The following ZNF814 variants were observed in gnomAD, a reference collection of about 807,000 sequenced individuals.
ZNF814 encodes the protein zinc finger protein 814.
In ZNF814, 5 loss-of-function variants were observed where a neutral mutation model predicts 7.5. That is an observed-to-expected ratio of 0.67 (90% CI 0.35 to 1.40). ZNF814 has a LOEUF of 1.40. ZNF814 is among the 40% of genes most tolerant of loss of function. ZNF814 has a pLI of 0.04. For missense variants in ZNF814, 962 were observed against 1,018.0 expected (o/e 0.94, Z 0.75); for synonymous variants, 315 against 340.7 (o/e 0.92, Z 0.83).
upstream of ZNF814, among the ~76,000 whole-genome samples, chr19:57,891,439 G>T (rs565099531): frequency 1.3e-5 from 2 of 151,664 alleles, no homozygotes; most frequent in Non-Finnish European, 2.9e-5. Context: ...GTAGGGGAAC[G>T]GCGTGAACCC....
upstream of ZNF814, among the ~76,000 whole-genome samples, chr19:57,890,331 G>A (rs556213030): frequency 5.9e-5 from 9 of 152,130 alleles, no homozygotes; most frequent in Non-Finnish European, 8.8e-5. Context: ...TTGCGAGACT[G>A]GGGTTTTTTG....
chr19:57,904,000 G>A, the ZNF814 span, among the ~76,000 whole-genome samples: 12 of 152,170 alleles, frequency 7.9e-5, no homozygotes, highest in African/African-American at 2.9e-4. Context: ...CTGCCCTGCC[G>A]CAGTACAATC....
chr19:57,888,575 G>A (rs1469199449), intron 1 of ZNF814, among the ~76,000 whole-genome samples, 192 bp downstream of exon 1: 1 of 152,086 alleles, frequency 6.6e-6, no homozygotes, highest in Non-Finnish European at 1.5e-5. Flanking sequence ...CCAGGCCTTT[G>A]CCCGCGCCAG....
At chr19:57,877,589 T>C (rs762757722) in intron 1 of ZNF814, among the ~76,000 whole-genome samples, 27 of 152,108 alleles carry the variant, frequency 1.8e-4, no homozygotes, top group Non-Finnish European at 3.2e-4. Context: ...ATTACAGGCA[T>C]GTACCACCAC....
chr19:57,887,113 G>A (rs183816940), intron 1 of ZNF814, among the ~76,000 whole-genome samples: 53 of 152,036 alleles, frequency 3.5e-4, no homozygotes, highest in Middle Eastern at 3.4e-3. Context: ...GCTTGAACCC[G>A]GGAGGCAGAG....
At chr19:57,877,063 G>T (rs1433702877) in intron 1 of ZNF814, 21 bp from the exon 2 acceptor site, 5 of 1,613,118 alleles carry the variant, frequency 3.1e-6, no homozygotes, top group Non-Finnish European at 4.2e-6. Flanking sequence ...GTTGACAGAT[G>T]AAACTACAAA....
At chr19:57,883,927 TTG>T (rs1343350264) in intron 1 of ZNF814, among the ~76,000 whole-genome samples, 2 of 152,046 alleles carry the variant, frequency 1.3e-5, no homozygotes, top group African/African-American at 4.8e-5. Context: ...CAGCTAATTT[TTG>T]TATTTTTAGT....
Position 57,877,029 on chromosome 19 carries a change from A to G in ZNF814, c.50T>C (p.Phe17Ser). 6.2e-7 allele frequency: 1 copy of G among 1,614,108 alleles called. No individual in the cohort carries two copies. Among genetic ancestry groups the G allele is most frequent in the South Asian group, 1.1e-5 (1 of 91,076 alleles). ...GGTAAAGTTCACAGCCACATCTTCA[A>G]AAGTCACTGTGCCCTGTTATGATGT... ...LRLSAQGTVT[F>S]EDVAVNFTWE... Residue 17 changes from phenylalanine (F) to serine (S), a missense_variant, in exon 2 of 3, where the codon TTT becomes TCT. Physicochemically the swap from Phe to Ser is radical, Grantham distance 155. Around this residue, in one of 7 missense-constraint regions of ZNF814, gnomAD observed 63 missense variants for 65.0 expected, o/e 0.97. Coordinates refer to ENST00000435989, the MANE Select transcript of ZNF814 (RefSeq NM_001144989.2).
the ZNF814 span, among the ~76,000 whole-genome samples, chr19:57,901,280 T>C: frequency 6.6e-6 from 1 of 152,182 alleles, no homozygotes; most frequent in Non-Finnish European, 1.5e-5. Flanking sequence ...ACCAGGTATA[T>C]AAAACCCTAC....
chr19:57,879,125 G>A (rs997117335), intron 1 of ZNF814, among the ~76,000 whole-genome samples: 4 of 147,414 alleles, frequency 2.7e-5, no homozygotes, highest in East Asian at 2.0e-4. Context: ...CATTCAAACC[G>A]ATCCAATATT....
In ZNF814 at chr19:57,873,211, T is replaced by G; in HGVS notation, c.2179A>C (p.Asn727His). Residue 727 changes from asparagine (N) to histidine (H), a missense_variant, in exon 3 of 3, where the codon AAC becomes CAC. Asn to His is a moderately conservative substitution (Grantham distance 68). This residue lies in a region of ZNF814 where 665 missense variants were observed against 551.4 expected (regional missense o/e 1.21). Transcript: ENST00000435989. ...ACEACQKFFR[N>H]KYQLIAHQRV... is the part of the protein sequence containing the mutation. The stretch of plus-strand genomic sequence containing the variant: ...TGATGTGCAATGAGTTGGTACTTGT[T>G]TCTAAAAAATTTCTGACAAGCTTCA... The G allele has an allele frequency of 5.0e-6, 8 of 1,612,022 alleles. No homozygotes were observed. The highest frequency in any genetic ancestry group is 6.8e-6 in the Non-Finnish European group (8 of 1,179,208).
At chr19:57,890,759 T>C (rs1413481498), upstream of ZNF814, among the ~76,000 whole-genome samples, 1 of 152,172 alleles carries the variant, frequency 6.6e-6, no homozygotes, top group African/African-American at 2.4e-5. Context: ...GCATGACTCC[T>C]AAATGATAAT....
chr19:57,873,313 A>G lies in ZNF814; in HGVS notation c.2077T>C (p.Cys693Arg), dbSNP rs756960465. 1.3e-6 allele frequency: 2 copies of G among 1,588,518 alleles called. No homozygotes were observed. The highest frequency in any genetic ancestry group is 2.3e-5 in the East Asian group (1 of 43,362). Reference protein sequence around the residue: ...TGERPYVCRECGKLFKKKSHL... With the variant: ...TGERPYVCRERGKLFKKKSHL... ...GACTTCTTCTTAAATAATTTTCCAC[A>G]TTCCCTACATACATAAGGTCTTTCT... Residue 693 changes from cysteine to arginine, a missense_variant, in exon 3 of 3, where the codon TGT becomes CGT. Cys to Arg is a radical substitution (Grantham distance 180). Transcript: ENST00000435989.
chr19:57,894,861 C>T, the ZNF814 span, among the ~76,000 whole-genome samples: 7 of 151,718 alleles, frequency 4.6e-5, 1 homozygote, highest in East Asian at 9.7e-4. Flanking sequence ...ATCATAGCCA[C>T]ATCTATCTAA....
At position 57,888,621 on chromosome 19, in the gene ZNF814, G is replaced by A. The variant is rs537821271; in HGVS notation, c.36+146C>T. On this transcript the variant is annotated intron_variant, in intron 1 of 2. Transcript: ENST00000435989. ...TGCCGGTCTCCCCACCGCATCCCAC[G>A]GGTGTCAGAAATGGGGCCCCTCCCG... 5.1e-6 allele frequency: 5 copies of A among 972,848 alleles called. No homozygotes were observed. In the African/African-American group the frequency reaches 6.5e-5, roughly 13 times the overall value. The allele number at this position is 972,848 out of a possible 1,614,324, so 60.3% of individuals were successfully genotyped here.
upstream of ZNF814, among the ~76,000 whole-genome samples, chr19:57,893,144 G>A (rs2071741485): frequency 6.6e-6 from 1 of 151,936 alleles, no homozygotes; most frequent in Non-Finnish European, 1.5e-5. Flanking sequence ...GCCAGCAAAA[G>A]GGTAAGAATT....
chr19:57,878,108 G>A (rs1419179751), intron 1 of ZNF814, among the ~76,000 whole-genome samples: 2 of 148,384 alleles, frequency 1.3e-5, no homozygotes, highest in African/African-American at 2.5e-5. Context: ...AGAAGTTGCA[G>A]TGAGCCGAGA....
chr19:57,901,784 G>A, the ZNF814 span: 1 of 398,426 alleles, frequency 2.5e-6, no homozygotes, highest in South Asian at 1.3e-4. Flanking sequence ...TACTTACTGT[G>A]GCGGTAAGCC....
chr19:57,877,805 G>T (rs1420774399), intron 1 of ZNF814, among the ~76,000 whole-genome samples: 1 of 151,982 alleles, frequency 6.6e-6, no homozygotes, highest in Non-Finnish European at 1.5e-5. Context: ...TACCCCTAGG[G>T]CTATAATGTT....
Sources: allele counts gnomAD v4.1 joint callset (sites outside exome capture counted in the v4.1 genomes callset), GRCh38; gene constraint gnomAD v4.1.1; regional missense constraint gnomAD v4.1.1; transcripts MANE v1.5; gene names NCBI Gene and HGNC (gene_info 2026-07-23, HGNC 2026-07-21).